TRPA1: variants seen among roughly 807,000 people sequenced by gnomAD.
TRPA1 encodes ankyrin-like with transmembrane domains 1.
In TRPA1, 129 loss-of-function variants were observed where a neutral mutation model predicts 131.3. The observed-to-expected ratio is 0.98, with a 90% CI of 0.85 to 1.14. The LOEUF is 1.14. Ranked by LOEUF, TRPA1 falls within the 50% of genes most tolerant of loss-of-function variation. The pLI is 0.00. For missense variants in TRPA1, 1,304 were observed against 1,354.2 expected (o/e 0.96, Z 0.58); for synonymous variants, 441 against 451.7 (o/e 0.98, Z 0.30).
intron 21 of TRPA1, among the ~76,000 whole-genome samples, chr8:72,035,949 C>A (rs1429953600): frequency 7.2e-6 from 1 of 138,210 alleles, no homozygotes; most frequent in African/African-American, 2.7e-5. Flanking sequence ...TGGGTAGAAG[C>A]CAGGAGCCAG....
chr8:72,064,706 G>T (rs1272428533), intron 4 of TRPA1, among the ~76,000 whole-genome samples: 1 of 152,000 alleles, frequency 6.6e-6, no homozygotes, highest in Non-Finnish European at 1.5e-5. Flanking sequence ...TGGTGAAGAG[G>T]CAAAATCAAG....
intron 3 of TRPA1, among the ~76,000 whole-genome samples, chr8:72,067,780 T>A (rs557249828): frequency 2.6e-5 from 4 of 152,212 alleles, no homozygotes; most frequent in African/African-American, 9.6e-5. Flanking sequence ...AATAAAAAAA[T>A]AACAGCTTGT....
At chr8:72,059,469 TAAAGTA>T in intron 7 of TRPA1, 31 bp from the exon 8 acceptor site, 1 of 1,346,452 alleles carries the variant, frequency 7.4e-7, no homozygotes, top group Non-Finnish European at 1.1e-6. Context: ...ACATTATAAT[TAAAGTA>T]CTATTGATGT....
chr8:72,026,777 T>C (rs1417577064), intron 24 of TRPA1, among the ~76,000 whole-genome samples: 1 of 152,188 alleles, frequency 6.6e-6, no homozygotes, highest in Non-Finnish European at 1.5e-5. Flanking sequence ...ATCTGATGTA[T>C]AGGTATGTTT....
At position 72,038,959 on chromosome 8, in the gene TRPA1, G is replaced by A. The variant is rs537022949; in HGVS notation, c.2201C>T (p.Thr734Ile). The change falls in exon 19 of 27, where the codon ACC (threonine) becomes ATC (isoleucine). Residue 734 changes from threonine to isoleucine, a missense_variant. By Grantham distance (89) the Thr-to-Ile change is moderately conservative. Transcript: ENST00000262209. ...GSYCLGLIPMTILVVNIKPGM... is the reference protein window; with the variant it reads ...GSYCLGLIPMIILVVNIKPGM... Reference sequence around the variant, plus strand: ...TGGTTTTATATTGACAACGAGAATGGTCATAGGTATGAGACCAAGACAGTA... The same window carrying A: ...TGGTTTTATATTGACAACGAGAATGATCATAGGTATGAGACCAAGACAGTA... 1 of 1,613,018 alleles carries A rather than the reference G, an allele frequency of 6.2e-7. No homozygotes were observed. Among genetic ancestry groups the A allele is most frequent in the Admixed American group, 1.7e-5 (1 of 59,940 alleles).
chr8:72,045,437 A>T (rs1349716198), intron 17 of TRPA1, among the ~76,000 whole-genome samples: 1 of 151,556 alleles, frequency 6.6e-6, no homozygotes, highest in Non-Finnish European at 1.5e-5. Context: ...GCAATATGAG[A>T]GCTGCAAGCC....
At chr8:72,028,768 A>G (rs1811697992) in intron 24 of TRPA1, among the ~76,000 whole-genome samples, 1 of 152,250 alleles carries the variant, frequency 6.6e-6, no homozygotes, top group African/African-American at 2.4e-5. Flanking sequence ...GATAAGTTGT[A>G]CTGGACTTTG....
Position 72,022,701 on chromosome 8 carries a change from G to T in TRPA1, c.*205C>A, listed in dbSNP as rs1030922523. Reference sequence around the variant, plus strand: ...AGTCCAGTCCAATTTGAACATATCTGCAAAGATATCCCCAATACATAGTGA... The same window carrying T: ...AGTCCAGTCCAATTTGAACATATCTTCAAAGATATCCCCAATACATAGTGA... On this transcript the variant is annotated 3_prime_UTR_variant, in exon 27 of 27. Coordinates refer to ENST00000262209, the MANE Select transcript of TRPA1 (RefSeq NM_007332.3). The T allele has an allele frequency of 1.6e-6, 1 of 627,082 alleles. No homozygotes were observed. The highest frequency in any genetic ancestry group is 2.5e-5 in the Admixed American group (1 of 40,134). 38.8% of individuals were successfully genotyped at this position (627,082 alleles called of 1,614,324 possible).
upstream of TRPA1, among the ~76,000 whole-genome samples, chr8:72,078,237 A>T (rs879193655): frequency 1.2e-4 from 19 of 152,158 alleles, no homozygotes; most frequent in African/African-American, 4.3e-4. Context: ...TGCTAAGGAA[A>T]ATAGCATCTT....
intron 13 of TRPA1, chr8:72,053,455 C>A (rs1805579420): frequency 7.0e-6 from 3 of 426,172 alleles, no homozygotes; most frequent in Non-Finnish European, 1.3e-5. Flanking sequence ...TCACCCCTGC[C>A]TTCATTTCTC....
chr8:72,084,536 C>A, the TRPA1 span, among the ~76,000 whole-genome samples: 32,098 of 150,052 alleles, frequency 0.21, 3,481 homozygotes, highest in Middle Eastern at 0.26. Context: ...TATTTAGCTT[C>A]TTTTTCATGT....
rs770549732 is a variant in TRPA1 at position 72,061,655 on chromosome 8, G to C, written c.914C>G (p.Thr305Ser). The C allele has an allele frequency of 6.2e-7, 1 of 1,614,024 alleles. No homozygotes were observed. Among genetic ancestry groups the C allele is most frequent in the Admixed American group, 1.7e-5 (1 of 59,988 alleles). The change falls in exon 7 of 27, where the codon ACC becomes AGC. Residue 305 changes from threonine (T) to serine (S), a missense_variant. Coordinates refer to ENST00000262209, the MANE Select transcript of TRPA1 (RefSeq NM_007332.3). ...YSGSVDIVNTTDGCHETMLHR... is the reference protein window; with the variant it reads ...YSGSVDIVNTSDGCHETMLHR... ...AAGCATGGTCTCATGACATCCATCG[G>C]TTGTGTTAACAATATCCACGCTACC...
the TRPA1 span, among the ~76,000 whole-genome samples, chr8:72,084,885 C>T: frequency 7.2e-5 from 11 of 152,060 alleles, no homozygotes; most frequent in South Asian, 4.2e-4. Flanking sequence ...CTCCCAACCT[C>T]GTGATCTGCC....
At chr8:72,054,015 T>C in intron 12 of TRPA1, 148 bp from the exon 13 acceptor site, 1 of 654,002 alleles carries the variant, frequency 1.5e-6, no homozygotes, top group South Asian at 1.8e-5. Flanking sequence ...ACATTTATAA[T>C]AAATGAGCTA....
intron 1 of TRPA1, 142 bp from the exon 2 acceptor site, chr8:72,072,009 C>T (rs903826707): frequency 2.6e-6 from 2 of 767,152 alleles, no homozygotes; most frequent in South Asian, 1.8e-5. Flanking sequence ...TTGAAATACA[C>T]AAAATGTTTA....
chr8:72,062,857 C>T lies in TRPA1; in HGVS notation c.749G>A (p.Gly250Asp), dbSNP rs759726700. Residue 250 changes from glycine (G) to aspartate (D), a missense_variant, in exon 6 of 27, where the codon GGT becomes GAT. By Grantham distance (94) the Gly-to-Asp change is moderately conservative. Transcript: ENST00000262209. The part of the protein sequence containing the change: ...ATPLHLAVQN[G>D]DLEMIKMCLD... ...GCACATTTTGATCATTTCCAAGTCA[C>T]CATTTTGCACAGCCAGGTGGAGAGG... 6.2e-7 allele frequency: 1 copy of T among 1,613,986 alleles called. No homozygotes were observed. The highest frequency in any genetic ancestry group is 2.2e-5 in the East Asian group (1 of 44,870).
Position 72,039,018 on chromosome 8 carries a change from A to G in TRPA1, c.2142T>C (p.Tyr714=). ...KEYLLMKWLA[Y]GFRAHMMNLG... ...AATTCATCATATGAGCTCTAAATCC[A>G]TAAGCCAACCTACAAAAATATAAGC... is the stretch of plus-strand genomic sequence containing the variant. Residue 714 remains tyrosine, a synonymous_variant, in exon 19 of 27, where the codon TAT becomes TAC. Transcript: ENST00000262209. 1 of 1,612,700 alleles carries G rather than the reference A, an allele frequency of 6.2e-7. No homozygotes were observed. The highest frequency in any genetic ancestry group is 8.5e-7 in the Non-Finnish European group (1 of 1,179,252).
At chr8:72,084,369 C>A in the TRPA1 span, among the ~76,000 whole-genome samples, 3 of 143,300 alleles carry the variant, frequency 2.1e-5, no homozygotes, top group African/African-American at 3.0e-5. Flanking sequence ...TTCCCTATAT[C>A]TGTTCCCACT....
intron 12 of TRPA1, chr8:72,055,071 C>T: frequency 3.9e-6 from 1 of 256,278 alleles, no homozygotes; most frequent in South Asian, 4.9e-5. Flanking sequence ...TGCATACACA[C>T]ATACACAACC....
Sources: allele counts gnomAD v4.1 joint callset (sites outside exome capture counted in the v4.1 genomes callset), GRCh38; gene constraint gnomAD v4.1.1; transcripts MANE v1.5; gene names NCBI Gene and HGNC (gene_info 2026-07-23, HGNC 2026-07-21).